The following DNAH8 variants were observed in gnomAD, a reference collection of about 807,000 sequenced individuals.
DNAH8 encodes dynein axonemal heavy chain 8.
A neutral mutation model predicts 562.1 loss-of-function variants in DNAH8; 382 were observed. That is an observed-to-expected ratio of 0.68 (90% CI 0.63 to 0.74). DNAH8 has a LOEUF of 0.74. Among genes scored for constraint, DNAH8 ranks in the 30% least tolerant of loss-of-function variants. The pLI, the probability that DNAH8 is intolerant of heterozygous loss-of-function variation, is 0.00. For synonymous variants in DNAH8, 1,881 were observed against 1,919.4 expected (o/e 0.98, Z 0.52); for missense variants, 5,203 against 5,620.4 (o/e 0.93, Z 2.37).
chr6:38,882,768 A>C, intron 53 of DNAH8, 142 bp from the exon 54 acceptor site: 1 of 563,294 alleles, frequency 1.8e-6, no homozygotes, highest in Non-Finnish European at 3.0e-6. Context: ...TAAGATAAGC[A>C]GATATATTAA....
At position 38,899,725 on chromosome 6, in the gene DNAH8, G is replaced by A. The variant is rs1374578612; in HGVS notation, c.9064-51G>A. On this transcript the variant is annotated intron_variant, in intron 61 of 92. Transcript: ENST00000327475. ...TTGGGCTCATTTAGTGCAAGAAAAT[G>A]TAAACATTGCATTCTTTTTTCAAAT... 3.7e-6 allele frequency: 6 copies of A among 1,601,614 alleles called. No individual in the cohort carries two copies. In the South Asian group the frequency reaches 6.7e-5, roughly 18 times the overall value.
chr6:39,022,734 T>C (rs765817517), intron 91 of DNAH8, among the ~76,000 whole-genome samples: 1 of 152,130 alleles, frequency 6.6e-6, no homozygotes, highest in Non-Finnish European at 1.5e-5. Flanking sequence ...ATGTTCCCCT[T>C]GGGTGTCTGA....
At chr6:38,722,101 T>C (rs1270013618) in intron 1 of DNAH8, among the ~76,000 whole-genome samples, 1 of 152,234 alleles carries the variant, frequency 6.6e-6, no homozygotes, top group Non-Finnish European at 1.5e-5. Flanking sequence ...CACTTCTTCA[T>C]TATTAGAGCT....
intron 53 of DNAH8, among the ~76,000 whole-genome samples, chr6:38,882,307 A>T (rs1398854155): frequency 6.6e-6 from 1 of 152,210 alleles, no homozygotes; most frequent in African/African-American, 2.4e-5. Context: ...ACATGGAATC[A>T]ACTTACATGC....
intron 14 of DNAH8, 84 bp from the exon 15 acceptor site, chr6:38,779,878 AAATG>A: frequency 7.8e-7 from 1 of 1,274,226 alleles, no homozygotes. Flanking sequence ...AATATTTGTC[AAATG>A]AATGAATGGA....
intron 83 of DNAH8, among the ~76,000 whole-genome samples, chr6:38,972,743 G>A (rs1450673884): frequency 2.6e-5 from 4 of 152,144 alleles, no homozygotes; most frequent in Admixed American, 1.3e-4. Flanking sequence ...CCATGTTGCC[G>A]CCTTGAGGGA....
chr6:38,935,444 G>T (rs7756833), intron 76 of DNAH8, 148 bp from the exon 77 acceptor site: 6,663 of 601,700 alleles, frequency 0.011, 293 homozygotes, highest in African/African-American at 0.1. Context: ...TGGATAGATA[G>T]ATTTGGCTAA....
chr6:38,719,458 C>T (rs1725062135), intron 1 of DNAH8, among the ~76,000 whole-genome samples: 1 of 152,008 alleles, frequency 6.6e-6, no homozygotes, highest in Non-Finnish European at 1.5e-5. Context: ...GTGTTTAGTC[C>T]CTACTTATAA....
intron 85 of DNAH8, among the ~76,000 whole-genome samples, chr6:38,979,671 C>T (rs1368954870): frequency 1.3e-5 from 2 of 152,142 alleles, no homozygotes; most frequent in Non-Finnish European, 2.9e-5. Context: ...GAAATATAAA[C>T]ATGAAGCAAA....
chr6:38,848,698 C>G lies in DNAH8; in HGVS notation c.5096C>G (p.Ser1699Cys). The change falls in exon 37 of 93, where the codon TCC becomes TGC. Residue 1699 changes from serine (S) to cysteine (C), a missense_variant. This residue lies in a region of DNAH8 where 2,176 missense variants were observed against 2,365.1 expected (regional missense o/e 0.92). Coordinates refer to ENST00000327475, the MANE Select transcript of DNAH8 (RefSeq NM_001206927.2). ...ATCCAGAATTGGGTGTATAAATTGT[C>G]CACTTCCTCAGATATAATTGAAGAG... ...KNIQNWVYKLSTSSDIIEEWL... is the reference protein window; with the variant it reads ...KNIQNWVYKLCTSSDIIEEWL... The G allele has an allele frequency of 6.2e-7, 1 of 1,612,028 alleles. No homozygotes were observed. The highest frequency in any genetic ancestry group is 8.5e-7 in the Non-Finnish European group (1 of 1,178,390).
At chr6:39,029,335 C>T (rs1055419003) in intron 92 of DNAH8, among the ~76,000 whole-genome samples, 1 of 152,158 alleles carries the variant, frequency 6.6e-6, no homozygotes, top group Non-Finnish European at 1.5e-5. Context: ...CAAGGCCATC[C>T]CCTCTACAGA....
rs774473059 is a variant in DNAH8 at position 38,791,681 on chromosome 6, A to G, written c.2901+7A>G. 8.7e-6 allele frequency: 14 copies of G among 1,604,848 alleles called. No homozygotes were observed. The Admixed American group carries it at 1.2e-4, about 14-fold the overall frequency. ...TATGTTGACCCTCAATGAGGTATGC[A>G]TTTGTTCATTAAATTAGAATCACAA... On this transcript the variant is annotated splice_region_variant and intron_variant, in intron 21 of 92. Transcript: ENST00000327475.
intron 88 of DNAH8, among the ~76,000 whole-genome samples, chr6:38,996,250 A>G (rs1169564677): frequency 6.6e-6 from 1 of 151,978 alleles, no homozygotes; most frequent in Non-Finnish European, 1.5e-5. Flanking sequence ...ACATGCCTAT[A>G]AATCTATGGC....
intron 88 of DNAH8, among the ~76,000 whole-genome samples, chr6:38,998,643 C>T (rs937842995): frequency 1.6e-4 from 25 of 152,266 alleles, no homozygotes; most frequent in South Asian, 6.2e-4. Context: ...TATTATGGTG[C>T]ACTAATATCT....
chr6:38,793,249 G>A (rs985925247), intron 21 of DNAH8, among the ~76,000 whole-genome samples: 3 of 151,964 alleles, frequency 2.0e-5, no homozygotes, highest in African/African-American at 7.3e-5. Context: ...GAATTCCTGG[G>A]TTTATGTGAT....
intron 41 of DNAH8, among the ~76,000 whole-genome samples, chr6:38,856,034 T>C (rs1377951630): frequency 6.6e-6 from 1 of 152,230 alleles, no homozygotes; most frequent in East Asian, 1.9e-4. Context: ...TGGGGACCAC[T>C]GGTATAGATC....
chr6:38,901,918 T>C (rs1220104171), intron 62 of DNAH8, among the ~76,000 whole-genome samples: 5 of 152,172 alleles, frequency 3.3e-5, no homozygotes, highest in African/African-American at 9.7e-5. Flanking sequence ...TTTGAAATAA[T>C]TGGAAGATCT....
At chr6:38,951,959 C>G (rs1421145264) in intron 82 of DNAH8, among the ~76,000 whole-genome samples, 1 of 152,090 alleles carries the variant, frequency 6.6e-6, no homozygotes, top group East Asian at 1.9e-4. Context: ...CACTTAATAA[C>G]CATTCAGTAC....
chr6:38,734,392 A>G, intron 4 of DNAH8, 82 bp from the exon 5 acceptor site: 1 of 1,489,092 alleles, frequency 6.7e-7, no homozygotes, highest in Non-Finnish European at 8.9e-7. Context: ...AAAACAGGAA[A>G]CAATAGTGTA....
Sources: gnomAD v4.1 joint callset for allele counts (sites outside exome capture counted in the v4.1 genomes callset) on GRCh38, gnomAD v4.1.1 for gene constraint, gnomAD v4.1.1 regional missense constraint, MANE v1.5 for transcripts, NCBI Gene and HGNC (gene_info 2026-07-23, HGNC 2026-07-21) for gene names.